The following POLG2 variants were observed in gnomAD, a reference collection of about 807,000 sequenced individuals.
POLG2 encodes the protein DNA polymerase subunit gamma-2.
POLG2 carries 50 observed loss-of-function variants against 56.5 expected under a neutral mutation model. The observed-to-expected ratio is 0.88, with a 90% confidence interval of 0.71 to 1.12. The LOEUF is 1.12. Ranked by LOEUF, POLG2 falls within the 50% of genes most tolerant of loss-of-function variation. The pLI is 0.00. For missense variants in POLG2, 584 were observed against 583.3 expected (o/e 1.00, Z -0.01); for synonymous variants, 226 against 222.6 (o/e 1.02, Z -0.14).
chr17:64,488,640 T>A (rs1366844231), intron 4 of POLG2, among the ~76,000 whole-genome samples: 1 of 152,236 alleles, frequency 6.6e-6, no homozygotes, highest in Non-Finnish European at 1.5e-5. Context: ...TTAACTATGA[T>A]AATAACCAAT....
At chr17:64,479,602 G>A (rs2037823577) in intron 7 of POLG2, among the ~76,000 whole-genome samples, 1 of 152,060 alleles carries the variant, frequency 6.6e-6, no homozygotes, top group Non-Finnish European at 1.5e-5. Flanking sequence ...TAACAAGAAT[G>A]GATTATTTAA....
chr17:64,494,414 C>T (rs2038115637), intron 1 of POLG2, among the ~76,000 whole-genome samples: 1 of 152,110 alleles, frequency 6.6e-6, no homozygotes, highest in Admixed American at 6.5e-5. Flanking sequence ...ATATCCTGCT[C>T]CCCAACAGTA....
At chr17:64,488,487 G>C (rs760861240) in intron 4 of POLG2, among the ~76,000 whole-genome samples, 41 of 152,116 alleles carry the variant, frequency 2.7e-4, no homozygotes, top group Admixed American at 5.9e-4. Context: ...AGAACAGCTT[G>C]AGCCCAGGAA....
intron 6 of POLG2, among the ~76,000 whole-genome samples, chr17:64,482,344 G>A (rs879977793): frequency 2.8e-5 from 2 of 71,032 alleles, no homozygotes; most frequent in African/African-American, 7.5e-5. Flanking sequence ...TTTTTTTTTT[G>A]AGACGGAGTC....
In POLG2 at chr17:64,496,829, T is replaced by A; in HGVS notation, c.140A>T (p.His47Leu). Reference protein sequence around the residue: ...SSPKGGHVKSHAELEGNGEHP... With the variant: ...SSPKGGHVKSLAELEGNGEHP... ...CTCGCCGTTCCCCTCGAGCTCCGCG[T>A]GCGACTTCACATGCCCTCCTTTGGG... Residue 47 changes from histidine (H) to leucine (L), a missense_variant, in exon 1 of 8, where the codon CAC (histidine) becomes CTC (leucine). Transcript: ENST00000539111. The A allele has an allele frequency of 6.2e-7, 1 of 1,613,862 alleles. No individual in the cohort carries two copies. Among genetic ancestry groups the A allele is most frequent in the African/African-American group, 1.3e-5 (1 of 75,052 alleles).
At chr17:64,479,942 C>T (rs1306270110) in intron 7 of POLG2, among the ~76,000 whole-genome samples, 1 of 152,156 alleles carries the variant, frequency 6.6e-6, no homozygotes, top group African/African-American at 2.4e-5. Flanking sequence ...TCAGAATGGA[C>T]CACAATGCCA....
At chr17:64,495,784 C>G (rs1555669394) in intron 1 of POLG2, among the ~76,000 whole-genome samples, 4 of 152,018 alleles carry the variant, frequency 2.6e-5, no homozygotes, top group African/African-American at 7.2e-5. Context: ...TCTCGGCTCA[C>G]TGCAACCTCT....
chr17:64,492,023 T>C (rs1475650010), intron 3 of POLG2, among the ~76,000 whole-genome samples: 3 of 152,172 alleles, frequency 2.0e-5, no homozygotes, highest in African/African-American at 7.2e-5. Flanking sequence ...ATATTGTTTT[T>C]TAGTAGGAAA....
chr17:64,485,806 T>C lies in POLG2; in HGVS notation c.1032A>G (p.Arg344=). The C allele has an allele frequency of 6.2e-7, 1 of 1,613,056 alleles. No homozygotes were observed. Among genetic ancestry groups the C allele is most frequent in the Non-Finnish European group, 8.5e-7 (1 of 1,178,944 alleles). Residue 344 remains arginine, a synonymous_variant, in exon 5 of 8, where the codon CGA becomes CGG. Coordinates refer to ENST00000539111, the MANE Select transcript of POLG2 (RefSeq NM_007215.4). ...AATCATAGAGGTAGGCCAGCATGCC[T>C]CGGTCTAGGTCCCCATTTACAGAGA... The part of the protein sequence containing the change: ...CVLSVNGDLD[R]GMLAYLYDSF...
chr17:64,490,890 T>G lies in POLG2; in HGVS notation c.875A>C (p.Asn292Thr). Residue 292 changes from asparagine to threonine, a missense_variant, in exon 4 of 8, where the codon AAT (asparagine) becomes ACT (threonine). Physicochemically the swap from Asn to Thr is moderately conservative, Grantham distance 65. Coordinates refer to ENST00000539111, the MANE Select transcript of POLG2 (RefSeq NM_007215.4). Reference protein sequence around the residue: ...EGRKGNKLYYNFPWGKELIET... With the variant: ...EGRKGNKLYYTFPWGKELIET... Reference sequence around the variant, plus strand: ...TATTAACTCCTTTCCCCAGGGAAAATTGTAGTAAAGTTTGTTTCCTTTCCG... The same window carrying G: ...TATTAACTCCTTTCCCCAGGGAAAAGTGTAGTAAAGTTTGTTTCCTTTCCG... The G allele has an allele frequency of 6.2e-7, 1 of 1,613,764 alleles. No individual in the cohort carries two copies. The highest frequency in any genetic ancestry group is 1.1e-5 in the South Asian group (1 of 91,070).
At chr17:64,485,504 C>A in intron 5 of POLG2, 1 of 550,980 alleles carries the variant, frequency 1.8e-6, no homozygotes, top group South Asian at 2.1e-5. Context: ...CACAATTAAA[C>A]AGAAATGCCT....
chr17:64,485,713 A>C lies in POLG2; in HGVS notation c.1110+15T>G, dbSNP rs1555667328. The C allele has an allele frequency of 1.9e-6, 3 of 1,604,940 alleles. No homozygotes were observed. Among genetic ancestry groups the C allele is most frequent in the Non-Finnish European group, 2.6e-6 (3 of 1,171,770 alleles). Reference sequence around the variant, plus strand: ...TTTTAGTTTCCCAAGTCTATCTCTGAAATATCAACAGCACCTTTCTATGAA... The same window carrying C: ...TTTTAGTTTCCCAAGTCTATCTCTGCAATATCAACAGCACCTTTCTATGAA... On this transcript the variant is annotated intron_variant, in intron 5 of 7. Coordinates refer to ENST00000539111, the MANE Select transcript of POLG2 (RefSeq NM_007215.4).
chr17:64,487,042 T>A lies in POLG2; in HGVS notation c.970-1174A>T, dbSNP rs1391167003. 5 of 152,080 alleles carry A rather than the reference T, an allele frequency of 3.3e-5. No homozygotes were observed. The East Asian group carries it at 7.7e-4, about 24-fold the overall frequency. The allele number at this position is 152,080 out of a possible 1,614,324, so 9.4% of individuals were successfully genotyped here. On this transcript the variant is annotated intron_variant, in intron 4 of 7. Coordinates refer to ENST00000539111, the MANE Select transcript of POLG2 (RefSeq NM_007215.4). ...TTCACCTGGATATTCATGTAATTTTTAAAAATACTTAAATAACCACCTTTA... is the reference window on the plus strand; with the variant it reads ...TTCACCTGGATATTCATGTAATTTTAAAAAATACTTAAATAACCACCTTTA...
At chr17:64,482,586 G>A (rs1219910890) in intron 6 of POLG2, among the ~76,000 whole-genome samples, 4 of 152,128 alleles carry the variant, frequency 2.6e-5, no homozygotes, top group African/African-American at 9.7e-5. Flanking sequence ...CCAAAGTGCT[G>A]GGATTACAGG....
chr17:64,482,997 T>A lies in POLG2; in HGVS notation c.1113A>T (p.Val371=). 6.3e-7 allele frequency: 1 copy of A among 1,575,878 alleles called. No homozygotes were observed. Among genetic ancestry groups the A allele is most frequent in the Non-Finnish European group, 8.7e-7 (1 of 1,147,600 alleles). Residue 371 remains valine, a splice_region_variant and synonymous_variant, in exon 6 of 8, where the codon GTA becomes GTT. Coordinates refer to ENST00000539111, the MANE Select transcript of POLG2 (RefSeq NM_007215.4). ...GGGCTAAACAAGGGTGAAGTTTAAG[T>A]ACCTAAGGCAATTAAATGGGGGAGG... ...FTRKKNLHRK[V]LKLHPCLAPI... is the part of the protein sequence containing the mutation.
At chr17:64,491,484 C>A in intron 3 of POLG2, 8 of 1,309,306 alleles carry the variant, frequency 6.1e-6, no homozygotes, top group Non-Finnish European at 7.6e-6. Flanking sequence ...CAGTCCAGCC[C>A]GGGCAAAAGA....
intron 3 of POLG2, among the ~76,000 whole-genome samples, chr17:64,492,214 G>T (rs1231950587): frequency 6.6e-6 from 1 of 152,152 alleles, no homozygotes; most frequent in Non-Finnish European, 1.5e-5. Context: ...ATTTGGGGAT[G>T]TTTGAGTCGG....
Position 64,493,005 on chromosome 17 carries a change from A to C in POLG2, c.579T>G (p.Tyr193Ter). 1 of 1,614,170 alleles carries C rather than the reference A, an allele frequency of 6.2e-7. No homozygotes were observed. The highest frequency in any genetic ancestry group is 8.5e-7 in the Non-Finnish European group (1 of 1,179,988). ...ENLLHGALEH[Y>*]VNCLDLVNKR... ...TGTTTACCAGATCCAGGCAATTAAC[A>C]TAGTGTTCCAAGGCACCTGTCAAAA... The change falls in exon 2 of 8, where the codon TAT becomes TAG. Residue 193 changes from tyrosine (Y) to a stop codon, truncating the protein, a stop_gained. Transcript: ENST00000539111. LOFTEE classifies it high-confidence loss of function.
At position 64,481,385 on chromosome 17, in the gene POLG2, G is replaced by A. The variant is rs941168555; in HGVS notation, c.1192-996C>T. ...AAGTCTTTAAATCTTTTTAGTGTCC[G>A]CATTCAGGTCTGGGCTGGGTCTCAA... is the stretch of plus-strand genomic sequence containing the variant. On this transcript the variant is annotated intron_variant, in intron 6 of 7. Transcript: ENST00000539111. 6.1e-6 allele frequency: 6 copies of A among 985,040 alleles called. No individual in the cohort carries two copies. In the African/African-American group the frequency reaches 7.0e-5, roughly 11 times the overall value. 61.0% of individuals were successfully genotyped at this position (985,040 alleles called of 1,614,324 possible).
Sources: allele counts gnomAD v4.1 joint callset (sites outside exome capture counted in the v4.1 genomes callset), GRCh38; gene constraint gnomAD v4.1.1; transcripts MANE v1.5; gene names NCBI Gene and HGNC (gene_info 2026-07-23, HGNC 2026-07-21).